Variants in IWS1 observed in about 807,000 individuals in gnomAD.
IWS1 encodes interacts with SUPT6H, CTD assembly factor 1.
Under a neutral mutation model 86.7 loss-of-function variants are expected in IWS1, and 27 were observed. That is an observed-to-expected ratio of 0.31 (90% CI 0.23 to 0.43). The LOEUF (loss-of-function observed/expected upper bound fraction) is 0.43, where lower values mean the gene tolerates loss of function less well. Among genes scored for constraint, IWS1 ranks in the 20% least tolerant of loss-of-function variants. The probability of loss-of-function intolerance (pLI) is 1.00; values close to 1 mark genes in which losing one functional copy is unlikely to be tolerated. For synonymous variants in IWS1, 313 were observed against 335.1 expected (o/e 0.93, Z 0.72); for missense variants, 827 against 1,000.8 (o/e 0.83, Z 2.34).
intron 6 of IWS1, among the ~76,000 whole-genome samples, chr2:127,497,852 A>G (rs1423122737): frequency 2.0e-5 from 3 of 152,198 alleles, no homozygotes; most frequent in Non-Finnish European, 4.4e-5. Context: ...TCAAAAAGGT[A>G]TTTTTAAAAT....
rs564021595 is a variant in IWS1, at chr2:127,503,457, C to G, written c.1339G>C (p.Glu447Gln). Residue 447 changes from glutamate to glutamine, a missense_variant, in exon 4 of 14, where the codon GAA becomes CAA. Around this residue, in one of 2 missense-constraint regions of IWS1, gnomAD observed 548 missense variants for 560.2 expected, o/e 0.98. Transcript: ENST00000295321. The part of the protein sequence containing the change: ...ASDSEEEAGK[E>Q]LSDKKNEEKD... Reference sequence around the variant, plus strand: ...TCTTCATTTTTCTTATCAGACAATTCTTTCCCAGCTTCTTCCTCACTGTCA... The same window carrying G: ...TCTTCATTTTTCTTATCAGACAATTGTTTCCCAGCTTCTTCCTCACTGTCA... 4.3e-6 allele frequency: 7 copies of G among 1,613,546 alleles called. No individual in the cohort carries two copies. The African/African-American group carries it at 8.0e-5, about 18-fold the overall frequency.
rs1225878539 is a variant in IWS1 at position 127,510,659 on chromosome 2, A to AT, written c.151-4908dup. 4.8e-3 allele frequency among the ~76,000 whole-genome samples: 688 copies of AT among 144,622 alleles called. 2 individuals are homozygous for AT. The highest frequency in any genetic ancestry group is 0.011 in the African/African-American group (416 of 39,608). 94.9% of individuals were successfully genotyped at this position (144,622 alleles called of 152,430 possible). ...AAGCACACGCCACCACGTCCGGATAATTTTTTTTTTTTTTGTAGAGACAGT... is the reference window on the plus strand; with the variant it reads ...AAGCACACGCCACCACGTCCGGATAATTTTTTTTTTTTTTTGTAGAGACAGT... On this transcript the variant is annotated intron_variant, in intron 2 of 13. Transcript: ENST00000295321.
intron 2 of IWS1, among the ~76,000 whole-genome samples, chr2:127,516,001 T>C (rs537586685): frequency 1.3e-5 from 2 of 152,290 alleles, no homozygotes; most frequent in African/African-American, 4.8e-5. Context: ...AAGAAGGCTC[T>C]ACCTTGGGTG....
intron 2 of IWS1, among the ~76,000 whole-genome samples, chr2:127,521,060 C>T (rs1171969387): frequency 1.3e-5 from 2 of 152,198 alleles, no homozygotes; most frequent in African/African-American, 4.8e-5. Flanking sequence ...GAGTTTGAGA[C>T]CAGCCTGGCC....
rs755945966 is a variant in IWS1, at chr2:127,481,153, C to T, written c.2351G>A (p.Gly784Asp). ...SSRFQATSKK[G>D]ISRLDKQMRK... ...CATCTGTTTATCCAGTCGACTGATA[C>T]CCTTCTTGGAGGTCGCCTGAAACTA... Residue 784 changes from glycine to aspartate, a missense_variant, in exon 14 of 14, where the codon GGT (glycine) becomes GAT (aspartate). Physicochemically the swap from Gly to Asp is moderately conservative, Grantham distance 94. Around this residue, in one of 2 missense-constraint regions of IWS1, gnomAD observed 279 missense variants for 440.6 expected, o/e 0.63. Coordinates refer to ENST00000295321, the MANE Select transcript of IWS1 (RefSeq NM_017969.3). 3 of 1,606,588 alleles carry T rather than the reference C, an allele frequency of 1.9e-6. No individual in the cohort carries two copies. Among genetic ancestry groups the T allele is most frequent in the Admixed American group, 1.7e-5 (1 of 57,944 alleles).
At chr2:127,526,763 A>C, upstream of IWS1, 4 of 1,076,832 alleles carry the variant, frequency 3.7e-6, no homozygotes, top group Non-Finnish European at 5.1e-6. Context: ...AAAAATGAAG[A>C]CCTGCTCAAA....
chr2:127,491,158 AC>A (rs1232165382), intron 10 of IWS1, among the ~76,000 whole-genome samples: 1 of 152,372 alleles, frequency 6.6e-6, no homozygotes, highest in East Asian at 1.9e-4. Context: ...GGTTTTGAAG[AC>A]CATTGTGCAA....
Position 127,526,273 on chromosome 2 carries a change from GGT to G in IWS1, c.-67_-66del. Reference sequence around the variant, plus strand: ...CCGCCCCCGTCACCTCCTTCCAGGCGGTGTGACCCCGGATGGCGCGGCTAAGT... The same window carrying G: ...CCGCCCCCGTCACCTCCTTCCAGGCGGTGACCCCGGATGGCGCGGCTAAGT... On this transcript the variant is annotated 5_prime_UTR_variant, in exon 1 of 14. Transcript: ENST00000295321. 1 of 1,547,032 alleles carries G rather than the reference GGT, an allele frequency of 6.5e-7. No individual in the cohort carries two copies.
intron 3 of IWS1, 151 bp downstream of exon 3, chr2:127,504,533 C>A: frequency 1.6e-6 from 1 of 637,302 alleles, no homozygotes; most frequent in Admixed American, 3.1e-5. Flanking sequence ...CTAATGATAA[C>A]CAGGGGAAAT....
In IWS1 at chr2:127,526,419, C is replaced by T. The variant is rs1385122444; in HGVS notation, c.-211G>A. ...GGCGGAAAAGGCCGTACCCGGCAGG[C>T]TGGCGGGCGGGCAGGCATGCGAGCC... is the stretch of plus-strand genomic sequence containing the variant. On this transcript the variant is annotated 5_prime_UTR_variant, in exon 1 of 14. Transcript: ENST00000295321. The T allele has an allele frequency of 3.3e-6, 5 of 1,536,092 alleles. No individual in the cohort carries two copies. The highest frequency in any genetic ancestry group is 2.5e-5 in the East Asian group (1 of 40,782).
intron 1 of IWS1, 145 bp downstream of exon 1, chr2:127,526,030 T>G: frequency 2.8e-6 from 2 of 709,778 alleles, no homozygotes; most frequent in South Asian, 3.7e-5. Context: ...TTGCAGCTGG[T>G]CAGAGGGCTC....
intron 10 of IWS1, among the ~76,000 whole-genome samples, chr2:127,490,182 CAT>C (rs561892400): frequency 1.9e-4 from 29 of 152,102 alleles, no homozygotes; most frequent in African/African-American, 6.5e-4. Flanking sequence ...AAGAAAGTAA[CAT>C]GTGATACACT....
At chr2:127,521,261 A>G (rs1286929357) in intron 2 of IWS1, among the ~76,000 whole-genome samples, 1 of 152,178 alleles carries the variant, frequency 6.6e-6, no homozygotes, top group African/African-American at 2.4e-5. Context: ...AAATATATAC[A>G]TAGAAAGACA....
At chr2:127,515,223 C>T (rs1210942609) in intron 2 of IWS1, among the ~76,000 whole-genome samples, 1 of 152,120 alleles carries the variant, frequency 6.6e-6, no homozygotes, top group South Asian at 2.1e-4. Flanking sequence ...GTGGGAAATT[C>T]GAGGGGCTGT....
At chr2:127,493,042 C>T (rs769349620) in intron 9 of IWS1, 1 of 317,816 alleles carries the variant, frequency 3.1e-6, no homozygotes, top group Non-Finnish European at 5.7e-6. Context: ...CTGTACTACT[C>T]TTCTCAGACA....
At chr2:127,492,237 T>G in intron 9 of IWS1, 149 bp from the exon 10 acceptor site, 2 of 607,240 alleles carry the variant, frequency 3.3e-6, no homozygotes, top group South Asian at 3.9e-5. Flanking sequence ...AGATACTTTG[T>G]GTCCACATCA....
At chr2:127,481,501 C>T (rs896841535) in intron 13 of IWS1, among the ~76,000 whole-genome samples, 5 of 152,156 alleles carry the variant, frequency 3.3e-5, no homozygotes, top group African/African-American at 1.2e-4. Context: ...TACGTTTTAA[C>T]TGCATGCGTT....
chr2:127,523,132 G>A (rs1425926386), intron 2 of IWS1, among the ~76,000 whole-genome samples: 2 of 152,094 alleles, frequency 1.3e-5, no homozygotes, highest in South Asian at 2.1e-4. Context: ...GATAGCTTGA[G>A]CCCAGAGGCA....
At chr2:127,524,429 A>C (rs562699843) in intron 1 of IWS1, among the ~76,000 whole-genome samples, 3 of 150,650 alleles carry the variant, frequency 2.0e-5, no homozygotes, top group Non-Finnish European at 4.4e-5. Context: ...GGCCTCAAGC[A>C]ATCCTCCTGC....
Sources: gnomAD v4.1 joint callset for allele counts (sites outside exome capture counted in the v4.1 genomes callset) on GRCh38, gnomAD v4.1.1 for gene constraint, gnomAD v4.1.1 regional missense constraint, MANE v1.5 for transcripts, NCBI Gene and HGNC (gene_info 2026-07-23, HGNC 2026-07-21) for gene names.